The following GTF2H2C variants were observed in gnomAD, a reference collection of about 807,000 sequenced individuals.
GTF2H2C encodes the protein general transcription factor IIH subunit 2-like protein.
GTF2H2C carries 5 observed loss-of-function variants against 24.8 expected under a neutral mutation model. That is an observed-to-expected ratio of 0.20 (90% CI 0.11 to 0.42). GTF2H2C has a LOEUF of 0.42. Among genes scored for constraint, GTF2H2C ranks in the 20% least tolerant of loss-of-function variants. The pLI is 1.00. For synonymous variants in GTF2H2C, 14 were observed against 52.6 expected, an observed-to-expected ratio of 0.27 and a Z score of 3.18; for missense variants, 45 against 169.8, an observed-to-expected ratio of 0.27 and a Z score of 4.08.
intron 2 of GTF2H2C, among the ~76,000 whole-genome samples, 166 bp from the exon 3 acceptor site, chr5:69,564,934 G>A (rs1770657336): frequency 6.6e-6 from 1 of 151,990 alleles, no homozygotes; most frequent in African/African-American, 2.4e-5. Flanking sequence ...ATGAGAAATG[G>A]AGTTCTATGA....
At chr5:69,568,491 C>CTTTTTT (rs1156422359) in intron 8 of GTF2H2C, 134 of 100,108 alleles carry the variant, frequency 1.3e-3, no homozygotes, top group Admixed American at 2.0e-3. Flanking sequence ...TTTTTCTTTC[C>CTTTTTT]TTTTTTTTTT....
At position 69,594,080 on chromosome 5, in the gene GTF2H2C, G is replaced by A. The variant is rs1197530449; in HGVS notation, c.*1882G>A. Among the ~76,000 whole-genome samples the A allele has an allele frequency of 9.5e-5, 2 of 21,088 alleles. No homozygotes were observed. Among genetic ancestry groups the A allele is most frequent in the African/African-American group, 3.1e-4 (2 of 6,378 alleles). 13.8% of individuals were successfully genotyped at this position (21,088 alleles called of 152,430 possible). The stretch of plus-strand genomic sequence containing the variant: ...ATTTTTTTTTTTTTTTTTTTGAGAT[G>A]GAGTCTTGCTCCATCGCCCAGGCTG... On this transcript the variant is annotated 3_prime_UTR_variant, in exon 17 of 17. Transcript: ENST00000380729.
intron 2 of GTF2H2C, 91 bp from the exon 3 acceptor site, chr5:69,565,009 T>A: frequency 4.7e-6 from 5 of 1,071,216 alleles, no homozygotes; most frequent in South Asian, 1.6e-5. Context: ...CCATTTTTTT[T>A]ACTTTATATA....
chr5:69,561,792 G>A (rs1480583052), intron 1 of GTF2H2C, among the ~76,000 whole-genome samples: 1 of 150,642 alleles, frequency 6.6e-6, no homozygotes, highest in Non-Finnish European at 1.5e-5. Context: ...TCAAGTACTC[G>A]CCACCTCGCC....
At chr5:69,574,946 A>AC (rs1310459447) in intron 9 of GTF2H2C, among the ~76,000 whole-genome samples, 1 of 16,988 alleles carries the variant, frequency 5.9e-5, no homozygotes, top group Non-Finnish European at 1.6e-4. Context: ...CTCCATCTCT[A>AC]CAAAAAAAAA....
chr5:69,563,786 C>T (rs570043316), intron 2 of GTF2H2C, among the ~76,000 whole-genome samples: 3 of 151,976 alleles, frequency 2.0e-5, no homozygotes, highest in South Asian at 2.1e-4. Context: ...GAGAACATGC[C>T]GTCTTTGGTT....
At chr5:69,564,840 A>G (rs1350029413) in intron 2 of GTF2H2C, among the ~76,000 whole-genome samples, 1 of 151,900 alleles carries the variant, frequency 6.6e-6, no homozygotes, top group East Asian at 1.9e-4. Context: ...TCTATAAAGC[A>G]TTTTTGTTCT....
intron 1 of GTF2H2C, among the ~76,000 whole-genome samples, chr5:69,561,049 C>A (rs576985894): frequency 6.6e-6 from 1 of 152,226 alleles, no homozygotes; most frequent in East Asian, 1.9e-4. Context: ...AGCCACCCAC[C>A]TGGCCTCGGT....
chr5:69,563,965 CAG>C (rs1770576592), intron 2 of GTF2H2C, among the ~76,000 whole-genome samples: 1 of 149,718 alleles, frequency 6.7e-6, no homozygotes. Context: ...TTAGTAGAGA[CAG>C]GGTTTCACCA....
chr5:69,562,130 C>T (rs1440279463), intron 1 of GTF2H2C, among the ~76,000 whole-genome samples: 2 of 152,022 alleles, frequency 1.3e-5, no homozygotes, highest in African/African-American at 2.4e-5. Context: ...ACCAGCCTGG[C>T]CACCATGGCA....
chr5:69,562,940 TCTTTC>T (rs1770471156), intron 2 of GTF2H2C, among the ~76,000 whole-genome samples, 170 bp downstream of exon 2: 1 of 140,288 alleles, frequency 7.1e-6, no homozygotes, highest in Admixed American at 7.2e-5. Context: ...TCTCTCTCTT[TCTTTC>T]CTTTCTTTTC....
At position 69,560,329 on chromosome 5, in the gene GTF2H2C, G is replaced by A. The variant is rs1770226161; in HGVS notation, c.-206G>A. Reference sequence around the variant, plus strand: ...GCGGCTGGGAGCGTTTTCGTGGCGGGGAACGGAGGTTGAATTGCCCTGCCT... The same window carrying A: ...GCGGCTGGGAGCGTTTTCGTGGCGGAGAACGGAGGTTGAATTGCCCTGCCT... On this transcript the variant is annotated 5_prime_UTR_variant, in exon 1 of 17. Transcript: ENST00000380729. 1 of 151,612 alleles carries A rather than the reference G, an allele frequency of 6.6e-6. No individual in the cohort carries two copies. The highest frequency in any genetic ancestry group is 2.1e-4 in the South Asian group (1 of 4,776). 9.4% of individuals were successfully genotyped at this position (151,612 alleles called of 1,614,324 possible). A position where few individuals can be genotyped will look rare whatever the true frequency, so the allele number is the denominator to read the frequency against.
chr5:69,590,086 C>T (rs2576888), intron 15 of GTF2H2C, among the ~76,000 whole-genome samples: 3 of 150,544 alleles, frequency 2.0e-5, no homozygotes, highest in East Asian at 2.0e-4. Flanking sequence ...GGTTTCGCCA[C>T]GTTGGCCAGG....
chr5:69,568,490 C>CA (rs1770893200), intron 8 of GTF2H2C: 1 of 180,974 alleles, frequency 5.5e-6, no homozygotes, highest in Non-Finnish European at 9.8e-6. Context: ...TTTTTTCTTT[C>CA]CTTTTTTTTT....
intron 16 of GTF2H2C, among the ~76,000 whole-genome samples, chr5:69,591,458 CTTTT>C (rs779304542): frequency 7.3e-6 from 1 of 136,830 alleles, no homozygotes; most frequent in African/African-American, 2.7e-5. Context: ...TTTATTCATT[CTTTT>C]TTTTTTTTTT....
chr5:69,566,269 C>A, intron 4 of GTF2H2C, 61 bp downstream of exon 4: 1 of 1,562,184 alleles, frequency 6.4e-7, no homozygotes, highest in Non-Finnish European at 8.8e-7. Context: ...GCCTTTCTAT[C>A]TATAAATACT....
intron 15 of GTF2H2C, among the ~76,000 whole-genome samples, 200 bp from the exon 16 acceptor site, chr5:69,590,128 A>G (rs1409083356): frequency 6.7e-6 from 1 of 148,740 alleles, no homozygotes; most frequent in African/African-American, 2.5e-5. Flanking sequence ...GAGGTGATCC[A>G]CCCGCCTCGG....
intron 2 of GTF2H2C, among the ~76,000 whole-genome samples, chr5:69,563,344 A>T (rs1253763372): frequency 1.3e-5 from 2 of 149,648 alleles, no homozygotes; most frequent in African/African-American, 2.5e-5. Flanking sequence ...CCTCCCTAGT[A>T]GCTGGGATTA....
At chr5:69,562,345 G>C (rs560243976) in intron 1 of GTF2H2C, among the ~76,000 whole-genome samples, 1 of 152,048 alleles carries the variant, frequency 6.6e-6, no homozygotes, top group East Asian at 1.9e-4. Flanking sequence ...AAAATATTCT[G>C]TTTACAGGCA....
Sources: gnomAD v4.1 joint callset for allele counts (sites outside exome capture counted in the v4.1 genomes callset) on GRCh38, gnomAD v4.1.1 for gene constraint, MANE v1.5 for transcripts, NCBI Gene and HGNC (gene_info 2026-07-23, HGNC 2026-07-21) for gene names.